The following EFNA5 variants were observed in gnomAD, a reference collection of about 807,000 sequenced individuals.
EFNA5 encodes the protein ephrin-A5.
EFNA5 carries 5 observed loss-of-function variants against 22.9 expected under a neutral mutation model. The ratio of observed to expected loss-of-function variants is 0.22; its 90% confidence interval spans 0.11 to 0.46. The LOEUF (loss-of-function observed/expected upper bound fraction) is 0.46, where lower values mean the gene tolerates loss of function less well. EFNA5 is among the 20% of genes least tolerant of loss of function. The pLI, the probability that EFNA5 is intolerant of heterozygous loss-of-function variation, is 0.99. For missense variants in EFNA5, 237 were observed against 293.3 expected, an observed-to-expected ratio of 0.81 and a Z score of 1.40; for synonymous variants, 113 against 112.2, an observed-to-expected ratio of 1.01 and a Z score of -0.04.
intron 1 of EFNA5, among the ~76,000 whole-genome samples, chr5:107,613,093 G>T (rs760212432): frequency 3.3e-5 from 5 of 150,782 alleles, no homozygotes; most frequent in African/African-American, 1.2e-4. Flanking sequence ...ATTTTCTTTC[G>T]CAATAAAAAA....
chr5:107,602,860 G>A (rs1749629440), intron 1 of EFNA5, among the ~76,000 whole-genome samples: 1 of 152,084 alleles, frequency 6.6e-6, no homozygotes, highest in Non-Finnish European at 1.5e-5. Context: ...ATACTAATTA[G>A]AAGAGCACAG....
At chr5:107,652,183 T>C (rs981898818) in intron 1 of EFNA5, among the ~76,000 whole-genome samples, 1 of 152,176 alleles carries the variant, frequency 6.6e-6, no homozygotes, top group Non-Finnish European at 1.5e-5. Context: ...GCAGGTACTT[T>C]CACTAGATCC....
chr5:107,617,165 A>C (rs1036335926), intron 1 of EFNA5, among the ~76,000 whole-genome samples: 1 of 151,142 alleles, frequency 6.6e-6, no homozygotes, highest in African/African-American at 2.4e-5. Context: ...CATAAATTTA[A>C]ACCCATAAAA....
Position 107,468,811 on chromosome 5 carries a change from C to A in EFNA5, c.126-41302G>T, listed in dbSNP as rs146637016. Among the ~76,000 whole-genome samples, 961 of 152,068 alleles carry A rather than the reference C, an allele frequency of 6.3e-3. 8 individuals are homozygous for A. Among genetic ancestry groups the A allele is most frequent in the African/African-American group, 0.022 (896 of 41,474 alleles). On this transcript the variant is annotated intron_variant, in intron 1 of 4. Transcript: ENST00000333274. ...ATTGAAAAGGAAAAAAAAAATAGGC[C>A]ATACAGGTTATTTGGCATCATGTAA...
At chr5:107,401,120 CT>C (rs1748070824) in intron 2 of EFNA5, among the ~76,000 whole-genome samples, 1 of 152,148 alleles carries the variant, frequency 6.6e-6, no homozygotes, top group African/African-American at 2.4e-5. Flanking sequence ...GTTTCTATTT[CT>C]TAAGAAATTT....
intron 2 of EFNA5, among the ~76,000 whole-genome samples, chr5:107,390,671 G>GTAAGTATTTATTAAGTATAAAAAAT (rs1747768137): frequency 6.6e-6 from 1 of 150,924 alleles, no homozygotes; most frequent in South Asian, 2.1e-4. Flanking sequence ...AAGTAAATAT[G>GTAAGTATTTATTAAGTATAAAAAAT]TAAGTATTTT....
intron 2 of EFNA5, among the ~76,000 whole-genome samples, chr5:107,396,146 T>C (rs1747917677): frequency 6.6e-6 from 1 of 152,256 alleles, no homozygotes; most frequent in South Asian, 2.1e-4. Context: ...TTAATATTTC[T>C]GTGAGCCTTT....
At chr5:107,579,424 A>G (rs548082384) in intron 1 of EFNA5, among the ~76,000 whole-genome samples, 1 of 152,296 alleles carries the variant, frequency 6.6e-6, no homozygotes, top group South Asian at 2.1e-4. Flanking sequence ...CCAGCATTCT[A>G]ACTCAGGTCT....
intron 1 of EFNA5, among the ~76,000 whole-genome samples, chr5:107,571,320 G>T (rs1748799092): frequency 6.6e-6 from 1 of 152,140 alleles, no homozygotes; most frequent in South Asian, 2.1e-4. Context: ...TTCAAGAAAA[G>T]GCTCCCAGTC....
chr5:107,485,437 C>T (rs1197988728), intron 1 of EFNA5, among the ~76,000 whole-genome samples: 1 of 152,190 alleles, frequency 6.6e-6, no homozygotes. Context: ...TTGGGGATGA[C>T]AGATAAACAG....
chr5:107,626,569 C>T (rs1222731217), intron 1 of EFNA5, among the ~76,000 whole-genome samples: 2 of 152,150 alleles, frequency 1.3e-5, no homozygotes, highest in East Asian at 3.9e-4. Context: ...CATGAGCCAC[C>T]ATGCCCAGCT....
At chr5:107,588,257 AG>A (rs1222185926) in intron 1 of EFNA5, among the ~76,000 whole-genome samples, 1 of 152,016 alleles carries the variant, frequency 6.6e-6, no homozygotes, top group Non-Finnish European at 1.5e-5. Flanking sequence ...CAACAGAGAT[AG>A]ACACCAGGTC....
chr5:107,521,475 T>TA, intron 1 of EFNA5, among the ~76,000 whole-genome samples: 1 of 114,760 alleles, frequency 8.7e-6, no homozygotes, highest in South Asian at 2.5e-4. Flanking sequence ...TATATATATA[T>TA]ATTTTTTTTT....
intron 1 of EFNA5, among the ~76,000 whole-genome samples, chr5:107,560,281 GGCCAAT>G (rs1324204771): frequency 6.6e-6 from 1 of 152,094 alleles, no homozygotes; most frequent in Non-Finnish European, 1.5e-5. Flanking sequence ...AAAAGCAACA[GGCCAAT>G]TAAGGCCTTT....
intron 1 of EFNA5, among the ~76,000 whole-genome samples, chr5:107,620,397 C>G (rs968298746): frequency 5.3e-5 from 8 of 152,164 alleles, no homozygotes; most frequent in Admixed American, 4.6e-4. Flanking sequence ...ACGTTATACA[C>G]AGAAAGTTAA....
At chr5:107,632,344 C>A (rs1439182108) in intron 1 of EFNA5, among the ~76,000 whole-genome samples, 1 of 152,118 alleles carries the variant, frequency 6.6e-6, no homozygotes, top group Non-Finnish European at 1.5e-5. Flanking sequence ...CTCTGATATA[C>A]TTATAAGAAC....
intron 1 of EFNA5, among the ~76,000 whole-genome samples, chr5:107,629,569 T>C (rs1750201265): frequency 6.6e-6 from 1 of 152,148 alleles, no homozygotes; most frequent in Non-Finnish European, 1.5e-5. Context: ...TGGTGAGGGA[T>C]GTTGATAATG....
chr5:107,565,750 A>AT (rs1464249455), intron 1 of EFNA5, among the ~76,000 whole-genome samples: 3 of 152,226 alleles, frequency 2.0e-5, no homozygotes, highest in Admixed American at 1.3e-4. Context: ...GGCATAAATT[A>AT]TTTTTAACTT....
chr5:107,478,048 C>T (rs1334296700), intron 1 of EFNA5, among the ~76,000 whole-genome samples: 1 of 151,940 alleles, frequency 6.6e-6, no homozygotes, highest in Non-Finnish European at 1.5e-5. Context: ...AAAGCCTGAC[C>T]AAAAACCCTG....
Sources: allele counts gnomAD v4.1 joint callset (sites outside exome capture counted in the v4.1 genomes callset), GRCh38; gene constraint gnomAD v4.1.1; transcripts MANE v1.5; gene names NCBI Gene and HGNC (gene_info 2026-07-23, HGNC 2026-07-21).